The following BTBD9 variants were observed in gnomAD, a reference collection of about 807,000 sequenced individuals.
The protein encoded by BTBD9 is BTB domain containing 9.
Under a neutral mutation model 64.3 loss-of-function variants are expected in BTBD9, and 49 were observed. The observed-to-expected ratio is 0.76, with a 90% CI of 0.61 to 0.97. The LOEUF is 0.97. Among genes scored for constraint, BTBD9 ranks in the 50% least tolerant of loss-of-function variants. The pLI, the probability that BTBD9 is intolerant of heterozygous loss-of-function variation, is 0.00. For missense variants in BTBD9, 598 were observed against 762.1 expected, an observed-to-expected ratio of 0.78 and a Z score of 2.53; for synonymous variants, 260 against 274.7, an observed-to-expected ratio of 0.95 and a Z score of 0.53.
chr6:38,496,647 C>T (rs1489700411), intron 6 of BTBD9, among the ~76,000 whole-genome samples: 7 of 148,918 alleles, frequency 4.7e-5, no homozygotes, highest in African/African-American at 1.2e-4. Flanking sequence ...GAGCAAGACC[C>T]TGTCTCTTAA....
At chr6:38,460,898 C>T (rs893609359) in intron 6 of BTBD9, among the ~76,000 whole-genome samples, 5 of 152,216 alleles carry the variant, frequency 3.3e-5, no homozygotes, top group African/African-American at 1.2e-4. Flanking sequence ...GCTGAGATTA[C>T]AGGTGTGAGC....
At chr6:38,571,952 C>G (rs2127466856) in intron 6 of BTBD9, among the ~76,000 whole-genome samples, 1 of 150,598 alleles carries the variant, frequency 6.6e-6, no homozygotes, top group East Asian at 1.9e-4. Context: ...AGAGCAAGCC[C>G]ATCTAAAAAA....
chr6:38,549,057 CTATCTTCT>C (rs1351768692), intron 6 of BTBD9, among the ~76,000 whole-genome samples: 1 of 152,196 alleles, frequency 6.6e-6, no homozygotes, highest in Non-Finnish European at 1.5e-5. Context: ...TAAGTGAAGG[CTATCTTCT>C]TAACCAGAAG....
intron 1 of BTBD9, among the ~76,000 whole-genome samples, chr6:38,604,865 T>C (rs1054479244): frequency 3.3e-5 from 5 of 152,146 alleles, no homozygotes; most frequent in Admixed American, 2.6e-4. Context: ...CTTATATTGA[T>C]GTGTTTGTAT....
chr6:38,416,501 A>ATTTTTT (rs70981549), intron 6 of BTBD9, among the ~76,000 whole-genome samples: 1 of 86,770 alleles, frequency 1.2e-5, no homozygotes, highest in Non-Finnish European at 2.2e-5. Context: ...TGCCCAGCTA[A>ATTTTTT]TTTTTTTTTT....
chr6:38,483,611 C>T (rs1161302540), intron 6 of BTBD9, among the ~76,000 whole-genome samples: 1 of 152,094 alleles, frequency 6.6e-6, no homozygotes, highest in Non-Finnish European at 1.5e-5. Flanking sequence ...TATCTGTCTG[C>T]CCTCATTGCT....
At chr6:38,591,148 G>A (rs575927062) in intron 4 of BTBD9, among the ~76,000 whole-genome samples, 4 of 152,268 alleles carry the variant, frequency 2.6e-5, no homozygotes, top group Admixed American at 6.5e-5. Flanking sequence ...CTGCATGTAA[G>A]GGAGATTCCA....
At position 38,383,336 on chromosome 6, in the gene BTBD9, G is replaced by A. The variant is rs114407411; in HGVS notation, c.1155-38243C>T. On this transcript the variant is annotated intron_variant, in intron 6 of 10. Transcript: ENST00000481247. ...TATTTAAAAATTTAACAAACACTCAGCAAACCAGGAATATAAGGCAATTTT... is the reference window on the plus strand; with the variant it reads ...TATTTAAAAATTTAACAAACACTCAACAAACCAGGAATATAAGGCAATTTT... Among the ~76,000 whole-genome samples, 865 of 152,136 alleles carry A rather than the reference G, an allele frequency of 5.7e-3. 9 individuals carry two copies. Among genetic ancestry groups the A allele is most frequent in the African/African-American group, 0.019 (797 of 41,490 alleles).
At chr6:38,622,374 A>G (rs1778016900) in intron 1 of BTBD9, among the ~76,000 whole-genome samples, 1 of 152,218 alleles carries the variant, frequency 6.6e-6, no homozygotes, top group Non-Finnish European at 1.5e-5. Flanking sequence ...GGAAGTGGTT[A>G]AAGTCCTAAT....
intron 7 of BTBD9, among the ~76,000 whole-genome samples, chr6:38,300,268 G>A (rs1261696580): frequency 6.6e-6 from 1 of 152,208 alleles, no homozygotes; most frequent in Non-Finnish European, 1.5e-5. Context: ...TAGCCTTGTA[G>A]TGTAGTTTGA....
At chr6:38,628,083 T>C (rs1778230273) in intron 1 of BTBD9, among the ~76,000 whole-genome samples, 1 of 152,194 alleles carries the variant, frequency 6.6e-6, no homozygotes, top group Admixed American at 6.5e-5. Flanking sequence ...ATTATCTATC[T>C]GGGAGTGGGT....
intron 10 of BTBD9, among the ~76,000 whole-genome samples, chr6:38,175,550 A>G (rs369126935): frequency 4.8e-5 from 5 of 103,858 alleles, no homozygotes; most frequent in African/African-American, 1.5e-4. Context: ...AGTCAACAGG[A>G]GTTGACTGGT....
At chr6:38,372,336 C>A (rs117203989) in intron 6 of BTBD9, among the ~76,000 whole-genome samples, 2 of 152,284 alleles carry the variant, frequency 1.3e-5, no homozygotes, top group Admixed American at 1.3e-4. Flanking sequence ...TAAGCCTAAT[C>A]GCAGTATGAT....
rs1772392866 is a variant in BTBD9 at position 38,504,891 on chromosome 6, G to C, written c.1154+72709C>G. Among the ~76,000 whole-genome samples, 3 of 152,142 alleles carry C rather than the reference G, an allele frequency of 2.0e-5. No individual in the cohort carries two copies. In the South Asian group the frequency reaches 6.2e-4, roughly 32 times the overall value. ...GGTCGATTCCGGTGCAATTGCTATG[G>C]CTCTACTTCCTTTCACTTGTCTGCT... On this transcript the variant is annotated intron_variant, in intron 6 of 10. Coordinates refer to ENST00000481247, the MANE Select transcript of BTBD9 (RefSeq NM_001099272.2).
chr6:38,293,740 C>T (rs1307693616), intron 7 of BTBD9, among the ~76,000 whole-genome samples: 1 of 152,120 alleles, frequency 6.6e-6, no homozygotes, highest in African/African-American at 2.4e-5. Flanking sequence ...GAGGCAGTAC[C>T]ATTCAGGACA....
intron 6 of BTBD9, among the ~76,000 whole-genome samples, chr6:38,509,337 G>A (rs1304758681): frequency 1.3e-5 from 2 of 152,162 alleles, no homozygotes; most frequent in Non-Finnish European, 2.9e-5. Flanking sequence ...CTTTGCTACT[G>A]CTAAACAATG....
chr6:38,621,823 G>A lies in BTBD9; in HGVS notation c.-28+17977C>T, dbSNP rs577096210. Among the ~76,000 whole-genome samples the A allele has an allele frequency of 1.1e-4, 17 of 152,252 alleles. No homozygotes were observed. The East Asian group carries it at 2.7e-3, about 24-fold the overall frequency. On this transcript the variant is annotated intron_variant, in intron 1 of 10. Transcript: ENST00000481247. ...AGAGAAAAGGCAGAAGGAAACCGTC[G>A]GGCAGATGCTGAGGCCAAAATTGCT... is the stretch of plus-strand genomic sequence containing the variant.
At chr6:38,457,867 T>C (rs919030090) in intron 6 of BTBD9, among the ~76,000 whole-genome samples, 1 of 152,214 alleles carries the variant, frequency 6.6e-6, no homozygotes, top group Non-Finnish European at 1.5e-5. Context: ...CCACAGATCA[T>C]GTCTTTTTCA....
intron 7 of BTBD9, among the ~76,000 whole-genome samples, chr6:38,319,438 A>C (rs1763149385): frequency 1.3e-5 from 2 of 152,080 alleles, no homozygotes; most frequent in Admixed American, 6.5e-5. Flanking sequence ...CCCAAGGCTC[A>C]CAGTGTGTAC....
Sources: gnomAD v4.1 joint callset for allele counts (sites outside exome capture counted in the v4.1 genomes callset) on GRCh38, gnomAD v4.1.1 for gene constraint, MANE v1.5 for transcripts, NCBI Gene and HGNC (gene_info 2026-07-23, HGNC 2026-07-21) for gene names.